CYP2E1: variants seen among roughly 807,000 people sequenced by gnomAD.
The protein encoded by CYP2E1 is cytochrome P450 family 2 subfamily E member 1.
CYP2E1 carries 31 observed loss-of-function variants against 42.9 expected under a neutral mutation model. The observed-to-expected ratio is 0.72, with a 90% CI of 0.54 to 0.98. CYP2E1 has a LOEUF of 0.98. Ranked by LOEUF, CYP2E1 falls within the 50% of genes least tolerant of loss-of-function variation. The pLI is 0.00. For synonymous variants in CYP2E1, 244 were observed against 248.9 expected, an observed-to-expected ratio of 0.98 and a Z score of 0.19; for missense variants, 565 against 633.2, an observed-to-expected ratio of 0.89 and a Z score of 1.16.
At position 133,537,858 on chromosome 10, in the gene CYP2E1, C is replaced by G. The variant is rs2515641; in HGVS notation, c.1263C>G (p.Phe421Leu). The change falls in exon 8 of 9, where the codon TTC becomes TTG. Residue 421 changes from phenylalanine (F) to leucine (L), a missense_variant. Coordinates refer to ENST00000252945, the MANE Select transcript of CYP2E1 (RefSeq NM_000773.4). ...PEHFLNENGKFKYSDYFKPFS... is the reference protein window; with the variant it reads ...PEHFLNENGKLKYSDYFKPFS... Reference sequence around the variant, plus strand: ...ACTTCCTGAATGAAAATGGAAAGTTCAAGTACAGTGACTATTTCAAGCCAT... The same window carrying G: ...ACTTCCTGAATGAAAATGGAAAGTTGAAGTACAGTGACTATTTCAAGCCAT... The G allele has an allele frequency of 1.2e-6, 2 of 1,613,390 alleles. No homozygotes were observed. The highest frequency in any genetic ancestry group is 2.2e-5 in the East Asian group (1 of 44,858).
At chr10:133,533,553 C>G (rs918595944) in intron 5 of CYP2E1, among the ~76,000 whole-genome samples, 1 of 152,198 alleles carries the variant, frequency 6.6e-6, no homozygotes, top group African/African-American at 2.4e-5. Flanking sequence ...CCCTGGCCTG[C>G]CCTCAGCAGA....
At chr10:133,531,211 T>C (rs1458443134) in intron 2 of CYP2E1, among the ~76,000 whole-genome samples, 1 of 152,174 alleles carries the variant, frequency 6.6e-6, no homozygotes, top group African/African-American at 2.4e-5. Flanking sequence ...TGTCGATAGA[T>C]AGGAAAGAGG....
intron 1 of CYP2E1, 48 bp from the exon 2 acceptor site, chr10:133,528,433 C>T (rs573694543): frequency 6.2e-7 from 1 of 1,604,690 alleles, no homozygotes; most frequent in East Asian, 2.2e-5. Flanking sequence ...GAGCCCCGCA[C>T]CTCCTCGCCG....
chr10:133,528,232 C>G (rs572362498), intron 1 of CYP2E1: 2 of 421,050 alleles, frequency 4.8e-6, no homozygotes, highest in African/African-American at 2.0e-5. Flanking sequence ...GCGGAGTTGC[C>G]GCGGAGTTGT....
chr10:133,537,704 C>A, intron 7 of CYP2E1, 47 bp from the exon 8 acceptor site: 1 of 1,563,228 alleles, frequency 6.4e-7, no homozygotes, highest in Non-Finnish European at 8.7e-7. Context: ...GATGAAAGCC[C>A]ACATTTTGTT....
chr10:133,534,597 C>CG (rs1238068645), intron 6 of CYP2E1, among the ~76,000 whole-genome samples: 1 of 152,104 alleles, frequency 6.6e-6, no homozygotes. Context: ...TGGAGAGTGC[C>CG]GGGGGGCCCA....
rs771177357 is a variant in CYP2E1 at position 133,528,591 on chromosome 10, G to C, written c.288G>C (p.Glu96Asp). The C allele has an allele frequency of 5.6e-6, 9 of 1,613,404 alleles. No homozygotes were observed. The highest frequency in any genetic ancestry group is 7.6e-6 in the Non-Finnish European group (9 of 1,179,990). ...AAGCGCTGCTGGACTACAAGGACGA[G>C]TTCTCGGGCAGAGGCGACCTCCCCG... Reference protein sequence around the residue: ...VKEALLDYKDEFSGRGDLPAF... With the variant: ...VKEALLDYKDDFSGRGDLPAF... Residue 96 changes from glutamate to aspartate, a missense_variant, in exon 2 of 9, where the codon GAG becomes GAC. By Grantham distance (45) the Glu-to-Asp change is conservative (BLOSUM62 2). Transcript: ENST00000252945.
At position 133,532,847 on chromosome 10, in the gene CYP2E1, C is replaced by T. The variant is rs1445693067; in HGVS notation, c.804C>T (p.Cys268=). ...ACTGTCCCCGGGACCTCACCGACTG[C>T]CTGCTCGTGGAAATGGAGAAGGTAG... ...DPNCPRDLTD[C]LLVEMEKEKH... is the part of the protein sequence containing the mutation. The change falls in exon 5 of 9, where the codon TGC becomes TGT. Residue 268 remains cysteine, a synonymous_variant. Coordinates refer to ENST00000252945, the MANE Select transcript of CYP2E1 (RefSeq NM_000773.4). 6.2e-7 allele frequency: 1 copy of T among 1,605,772 alleles called. No homozygotes were observed. Among genetic ancestry groups the T allele is most frequent in the South Asian group, 1.1e-5 (1 of 89,012 alleles).
chr10:133,528,764 G>A (rs982744183), intron 2 of CYP2E1, 124 bp downstream of exon 2: 23 of 1,224,738 alleles, frequency 1.9e-5, no homozygotes, highest in South Asian at 8.8e-5. Context: ...AACAGCATCC[G>A]AAGGATGAGA....
chr10:133,530,374 A>G (rs1851321806), intron 2 of CYP2E1, among the ~76,000 whole-genome samples: 1 of 152,042 alleles, frequency 6.6e-6, no homozygotes, highest in African/African-American at 2.4e-5. Flanking sequence ...GATGTCCTCC[A>G]CTCAACATGA....
At chr10:133,528,327 C>G in intron 1 of CYP2E1, 154 bp from the exon 2 acceptor site, 1 of 840,616 alleles carries the variant, frequency 1.2e-6, no homozygotes, top group Non-Finnish European at 1.8e-6. Flanking sequence ...AGGGGAGGGT[C>G]TCCCCCACCT....
At chr10:133,532,393 A>G (rs1218094648) in intron 4 of CYP2E1, 109 bp downstream of exon 4, 40 of 1,106,510 alleles carry the variant, frequency 3.6e-5, no homozygotes, top group Non-Finnish European at 3.9e-5. Context: ...GCCAAACAAC[A>G]TAGCTTCGAG....
intron 6 of CYP2E1, among the ~76,000 whole-genome samples, chr10:133,535,560 G>A (rs572971304): frequency 1.3e-5 from 2 of 152,280 alleles, no homozygotes; most frequent in African/African-American, 4.8e-5. Flanking sequence ...GTGATTATAA[G>A]AGAACTTTCG....
At chr10:133,529,921 G>T (rs1010297587) in intron 2 of CYP2E1, among the ~76,000 whole-genome samples, 1 of 152,194 alleles carries the variant, frequency 6.6e-6, no homozygotes, top group Non-Finnish European at 1.5e-5. Context: ...TGTCGTTAAC[G>T]CAGGAGAAGC....
intron 2 of CYP2E1, among the ~76,000 whole-genome samples, chr10:133,530,265 T>G (rs1011266662): frequency 2.6e-5 from 4 of 152,210 alleles, no homozygotes; most frequent in Non-Finnish European, 5.9e-5. Flanking sequence ...TCAAGGGAAC[T>G]GCAGACATCC....
At chr10:133,536,017 T>G (rs2133598837) in intron 6 of CYP2E1, among the ~76,000 whole-genome samples, 1 of 152,318 alleles carries the variant, frequency 6.6e-6, no homozygotes, top group East Asian at 1.9e-4. Flanking sequence ...CTGTTACCTC[T>G]GTCAGAAAGA....
intron 2 of CYP2E1, among the ~76,000 whole-genome samples, chr10:133,529,296 C>T (rs962964986): frequency 6.6e-5 from 10 of 152,228 alleles, no homozygotes; most frequent in Admixed American, 6.5e-4. Context: ...AGGTCTGGCT[C>T]GTCTTTATCT....
In CYP2E1 at chr10:133,537,733, A is replaced by G; in HGVS notation, c.1156-18A>G. 6.2e-7 allele frequency: 1 copy of G among 1,605,050 alleles called. No individual in the cohort carries two copies. The highest frequency in any genetic ancestry group is 1.3e-5 in the African/African-American group (1 of 74,570). On this transcript the variant is annotated intron_variant, in intron 7 of 8. Coordinates refer to ENST00000252945, the MANE Select transcript of CYP2E1 (RefSeq NM_000773.4). ...TTTTGTTAACATGACTCACTGAGAC[A>G]GTCTTTGTTTCTCCTAGGGCACAGT...
Position 133,528,219 on chromosome 10 carries a change from T to G in CYP2E1, c.178-262T>G, listed in dbSNP as rs529336531. ...AGGGAAGGGACGTGAGGAGCCGGAG[T>G]CCGCGGAGTTGCCGCGGAGTTGTCC... is the stretch of plus-strand genomic sequence containing the variant. On this transcript the variant is annotated intron_variant, in intron 1 of 8. Transcript: ENST00000252945. The G allele has an allele frequency of 1.3e-5, 5 of 379,688 alleles. No homozygotes were observed. The East Asian group carries it at 1.7e-4, about 13-fold the overall frequency. The allele number at this position is 379,688 out of a possible 1,614,324, so 23.5% of individuals were successfully genotyped here.
Sources: gnomAD v4.1 joint callset for allele counts (sites outside exome capture counted in the v4.1 genomes callset) on GRCh38, gnomAD v4.1.1 for gene constraint, MANE v1.5 for transcripts, NCBI Gene and HGNC (gene_info 2026-07-23, HGNC 2026-07-21) for gene names.